The following ZNF512 variants were observed in gnomAD, a reference collection of about 807,000 sequenced individuals.
ZNF512 encodes the protein zinc finger protein 512.
A neutral mutation model predicts 77.5 loss-of-function variants in ZNF512; 25 were observed. The ratio of observed to expected loss-of-function variants is 0.32; its 90% CI spans 0.23 to 0.45. The LOEUF (loss-of-function observed/expected upper bound fraction) is 0.45, where lower values mean the gene tolerates loss of function less well. Ranked by LOEUF, ZNF512 falls within the 20% of genes least tolerant of loss-of-function variation. The probability of loss-of-function intolerance (pLI) is 1.00; values close to 1 mark genes in which losing one functional copy is unlikely to be tolerated. For missense variants in ZNF512, 483 were observed against 692.6 expected (o/e 0.70, Z 3.40); for synonymous variants, 246 against 239.9 (o/e 1.03, Z -0.24).
chr2:27,584,487 C>T (rs1242927406), intron 2 of ZNF512, among the ~76,000 whole-genome samples: 2 of 152,176 alleles, frequency 1.3e-5, no homozygotes, highest in East Asian at 1.9e-4. Context: ...TGCGCCAGTT[C>T]TGTAGTAGGT....
At chr2:27,612,229 C>T (rs1417110222) in intron 10 of ZNF512, among the ~76,000 whole-genome samples, 1 of 152,094 alleles carries the variant, frequency 6.6e-6, no homozygotes, top group Non-Finnish European at 1.5e-5. Flanking sequence ...GCTCCTGTGT[C>T]TTTTTGACAT....
chr2:27,595,086 G>A (rs1012076595), intron 2 of ZNF512, among the ~76,000 whole-genome samples: 3 of 152,292 alleles, frequency 2.0e-5, no homozygotes, highest in Non-Finnish European at 4.4e-5. Context: ...GTGAGATCAC[G>A]GCAGTATGGT....
intron 9 of ZNF512, among the ~76,000 whole-genome samples, chr2:27,603,586 G>GTGTGTGTGTATA (rs140043162): frequency 2.8e-4 from 20 of 72,490 alleles, no homozygotes; most frequent in South Asian, 1.9e-3. Flanking sequence ...GTGTGTGTGT[G>GTGTGTGTGTATA]TATATTTTTT....
intron 2 of ZNF512, among the ~76,000 whole-genome samples, chr2:27,586,990 G>A (rs575349896): frequency 8.5e-5 from 13 of 152,222 alleles, no homozygotes; most frequent in African/African-American, 2.6e-4. Context: ...GTTATTTTCA[G>A]TTTTAGGGTG....
chr2:27,622,977 G>A lies in ZNF512; in HGVS notation c.*1516G>A, dbSNP rs1183272590. On this transcript the variant is annotated 3_prime_UTR_variant, in exon 14 of 14. Coordinates refer to ENST00000355467, the MANE Select transcript of ZNF512 (RefSeq NM_032434.4). ...TTTTCATTGGCAGTGTGCCCTTAAA[G>A]CCCTTTCAGTAGATGAGGGTTGTCA... The A allele has an allele frequency of 6.5e-6, 1 of 152,788 alleles. No homozygotes were observed. The highest frequency in any genetic ancestry group is 2.4e-5 in the African/African-American group (1 of 41,448). The allele number at this position is 152,788 out of a possible 1,614,324, so 9.5% of individuals were successfully genotyped here.
At chr2:27,591,794 C>T (rs1297929821) in intron 2 of ZNF512, among the ~76,000 whole-genome samples, 1 of 152,126 alleles carries the variant, frequency 6.6e-6, no homozygotes, top group Non-Finnish European at 1.5e-5. Flanking sequence ...CTGCCTTGGC[C>T]TCCCAAAGTA....
intron 2 of ZNF512, among the ~76,000 whole-genome samples, chr2:27,597,330 T>C (rs1671914550): frequency 6.6e-6 from 1 of 152,236 alleles, no homozygotes; most frequent in Non-Finnish European, 1.5e-5. Flanking sequence ...CACAGGTATT[T>C]AGCTGGAAAA....
rs1333976155 is a variant in ZNF512, at chr2:27,600,009, C to T, written c.413C>T (p.Ser138Phe). 3 of 1,614,086 alleles carry T rather than the reference C, an allele frequency of 1.9e-6. No homozygotes were observed. Among genetic ancestry groups the T allele is most frequent in the Admixed American group, 1.7e-5 (1 of 60,000 alleles). Reference sequence around the variant, plus strand: ...CCTAAAACTCAGCCCAATCCCAAATCCCAGGCCCGTCGTATTCGGAAGGAA... The same window carrying T: ...CCTAAAACTCAGCCCAATCCCAAATTCCAGGCCCGTCGTATTCGGAAGGAA... ...QRPKTQPNPK[S>F]QARRIRKEPP... Residue 138 changes from serine to phenylalanine, a missense_variant, in exon 5 of 14, where the codon TCC (serine) becomes TTC (phenylalanine). Coordinates refer to ENST00000355467, the MANE Select transcript of ZNF512 (RefSeq NM_032434.4).
Position 27,598,233 on chromosome 2 carries a change from G to A in ZNF512, c.256G>A (p.Ala86Thr), listed in dbSNP as rs1326683400. The A allele has an allele frequency of 6.2e-7, 1 of 1,613,114 alleles. No homozygotes were observed. Among genetic ancestry groups the A allele is most frequent in the African/African-American group, 1.3e-5 (1 of 75,040 alleles). The change falls in exon 3 of 14, where the codon GCT (alanine) becomes ACT (threonine). Residue 86 changes from alanine to threonine, a missense_variant. By Grantham distance (58) the Ala-to-Thr change is moderately conservative. Coordinates refer to ENST00000355467, the MANE Select transcript of ZNF512 (RefSeq NM_032434.4). The stretch of plus-strand genomic sequence containing the variant: ...GATGAAGATGAGAAGAATCAAGCCA[G>A]CTGCTACTTCTCATGTCGAAGGTAT... ...YWMKMRRIKP[A>T]ATSHVEGSGG...
Position 27,621,630 on chromosome 2 carries a change from T to G in ZNF512, c.*169T>G. 2.9e-6 allele frequency: 2 copies of G among 682,262 alleles called. No individual in the cohort carries two copies. Among genetic ancestry groups the G allele is most frequent in the Non-Finnish European group, 4.7e-6 (2 of 425,422 alleles). 42.3% of individuals were successfully genotyped at this position (682,262 alleles called of 1,614,324 possible). ...ACTGTCTTCCCTTCTTACATTTTGA[T>G]TCCCCCCTCCCCTTTTAGTAGGTTT... On this transcript the variant is annotated 3_prime_UTR_variant, in exon 14 of 14. Transcript: ENST00000355467.
chr2:27,595,619 C>T (rs865807893), intron 2 of ZNF512, among the ~76,000 whole-genome samples: 7 of 152,262 alleles, frequency 4.6e-5, no homozygotes, highest in Non-Finnish European at 8.8e-5. Context: ...CCACTGTGCC[C>T]GGTGGAGACT....
At chr2:27,598,020 T>A (rs1351379244) in intron 2 of ZNF512, 47 bp from the exon 3 acceptor site, 2 of 1,436,828 alleles carry the variant, frequency 1.4e-6, no homozygotes, top group East Asian at 4.7e-5. Context: ...GTATAGAAAT[T>A]TTGCTCCAGA....
chr2:27,617,996 T>C (rs1402650381), intron 13 of ZNF512, among the ~76,000 whole-genome samples: 1 of 150,566 alleles, frequency 6.6e-6, no homozygotes, highest in Admixed American at 6.7e-5. Context: ...TTGCCCAATC[T>C]GGAGGGCTCA....
chr2:27,609,280 T>C (rs1558473983), intron 10 of ZNF512, among the ~76,000 whole-genome samples: 1 of 152,214 alleles, frequency 6.6e-6, no homozygotes, highest in African/African-American at 2.4e-5. Context: ...TATACTTTCT[T>C]GTTTTGGACT....
chr2:27,603,078 G>A lies in ZNF512; in HGVS notation c.769-62G>A, dbSNP rs574271109. The A allele has an allele frequency of 2.5e-5, 39 of 1,584,394 alleles. No individual in the cohort carries two copies. In the African/African-American group the frequency reaches 4.9e-4, roughly 20 times the overall value. On this transcript the variant is annotated intron_variant, in intron 8 of 13. Transcript: ENST00000355467. Reference sequence around the variant, plus strand: ...GTGGTGAATGCTTTATGGCTGTTTAGAAATTTAGGGATCATGTCAAAAGAT... The same window carrying A: ...GTGGTGAATGCTTTATGGCTGTTTAAAAATTTAGGGATCATGTCAAAAGAT...
Position 27,590,425 on chromosome 2 carries a change from A to G in ZNF512, c.89+6709A>G, listed in dbSNP as rs1572905210. Among the ~76,000 whole-genome samples the G allele has an allele frequency of 3.3e-5, 5 of 152,198 alleles. No individual in the cohort carries two copies. In the South Asian group the frequency reaches 8.3e-4, roughly 25 times the overall value. ...CAATTTTTTCATCTGTTTATTTTCA[A>G]TCTATAGATGTCTTTATATTTTAGA... On this transcript the variant is annotated intron_variant, in intron 2 of 13. Transcript: ENST00000355467.
chr2:27,608,183 A>C (rs1672451728), intron 10 of ZNF512, 144 bp downstream of exon 10: 1 of 741,706 alleles, frequency 1.3e-6, no homozygotes, highest in Non-Finnish European at 2.0e-6. Flanking sequence ...CATCTGATCT[A>C]GCTTCGGTGT....
chr2:27,618,231 A>G (rs906908041), intron 13 of ZNF512, among the ~76,000 whole-genome samples: 4 of 152,130 alleles, frequency 2.6e-5, no homozygotes, highest in Non-Finnish European at 5.9e-5. Context: ...GAACTCTTCT[A>G]ATTCCTTTAA....
chr2:27,605,120 A>G (rs139190452), intron 9 of ZNF512, among the ~76,000 whole-genome samples: 1 of 152,064 alleles, frequency 6.6e-6, no homozygotes, highest in African/African-American at 2.4e-5. Context: ...GGTTGTTTCT[A>G]GTTTTTGATG....
Sources: allele counts gnomAD v4.1 joint callset (sites outside exome capture counted in the v4.1 genomes callset), GRCh38; gene constraint gnomAD v4.1.1; transcripts MANE v1.5; gene names NCBI Gene and HGNC (gene_info 2026-07-23, HGNC 2026-07-21).